The following DNHD1 variants were observed in gnomAD, a reference collection of about 807,000 sequenced individuals.
DNHD1 encodes the protein dynein heavy chain domain 1, also known as dynein heavy chain domain-containing protein 1.
In DNHD1, 383 loss-of-function variants were observed where a neutral mutation model predicts 458.1. That is an observed-to-expected ratio of 0.84 (90% CI 0.77 to 0.91). DNHD1 has a LOEUF of 0.91. Among genes scored for constraint, DNHD1 ranks in the 40% least tolerant of loss-of-function variants. DNHD1 has a pLI of 0.00. For synonymous variants in DNHD1, 2,203 were observed against 2,376.9 expected, an observed-to-expected ratio of 0.93 and a Z score of 2.13; for missense variants, 5,336 against 5,866.1, an observed-to-expected ratio of 0.91 and a Z score of 2.95.
In DNHD1 at chr11:6,528,757, G is replaced by C; in HGVS notation, c.2073G>C (p.Gln691His). ...EDLDNNPKIQ[Q>H]ALNIQQVLLE... ...TGGACAACAACCCTAAGATCCAGCA[G>C]GCACTGAATATACAACAGGTGCTGC... Residue 691 changes from glutamine to histidine, a missense_variant, in exon 11 of 43, where the codon CAG (glutamine) becomes CAC (histidine). Gln to His is a conservative substitution (Grantham distance 24). This residue lies in a region of DNHD1 where 3,932 missense variants were observed against 4,365.6 expected (regional missense o/e 0.90). Coordinates refer to ENST00000254579, the MANE Select transcript of DNHD1 (RefSeq NM_144666.3). 6.4e-7 allele frequency: 1 copy of C among 1,551,754 alleles called. No homozygotes were observed. The highest frequency in any genetic ancestry group is 8.7e-7 in the Non-Finnish European group (1 of 1,147,014).
At chr11:6,510,773 C>T (rs1025104734) in intron 6 of DNHD1, among the ~76,000 whole-genome samples, 7 of 152,092 alleles carry the variant, frequency 4.6e-5, no homozygotes, top group African/African-American at 1.7e-4. Flanking sequence ...GAGTCTTTAT[C>T]CTTTTCAAGG....
rs1325099633 is a variant in DNHD1, at chr11:6,570,987, T to C, written c.13475T>C (p.Leu4492Pro). ...EGVLETEALELSQLVGTLQRD... is the reference protein window; with the variant it reads ...EGVLETEALEPSQLVGTLQRD... ...GTCTTAGAGACCGAGGCTCTAGAAC[T>C]GAGCCAGTTGGTGGGCACGCTACAA... The change falls in exon 42 of 43, where the codon CTG becomes CCG. Residue 4492 changes from leucine to proline, a missense_variant. Physicochemically the swap from Leu to Pro is moderately conservative, Grantham distance 98. Around this residue, in one of 4 missense-constraint regions of DNHD1, gnomAD observed 698 missense variants for 664.9 expected, o/e 1.05. Transcript: ENST00000254579. 11 of 1,602,700 alleles carry C rather than the reference T, an allele frequency of 6.9e-6. No homozygotes were observed. Among genetic ancestry groups the C allele is most frequent in the Non-Finnish European group, 8.5e-6 (10 of 1,171,742 alleles).
chr11:6,520,050 T>C lies in DNHD1; in HGVS notation c.1733T>C (p.Met578Thr), dbSNP rs1412122832. ...TCTCATGTGCCCTGTGTTGAAAATA[T>C]GATCCAGACTCTAACTGGAGGCCTA... ...QLSHVPCVEN[M>T]IQTLTGGLQS... The change falls in exon 9 of 43, where the codon ATG (methionine) becomes ACG (threonine). Residue 578 changes from methionine (M) to threonine (T), a missense_variant. Around this residue, in one of 4 missense-constraint regions of DNHD1, gnomAD observed 3,932 missense variants for 4,365.6 expected, o/e 0.90. Transcript: ENST00000254579. The C allele has an allele frequency of 6.2e-7, 1 of 1,614,220 alleles. No individual in the cohort carries two copies. The highest frequency in any genetic ancestry group is 8.5e-7 in the Non-Finnish European group (1 of 1,180,034).
Position 6,548,506 on chromosome 11 carries a change from G to A in DNHD1, c.7098+104G>A. On this transcript the variant is annotated intron_variant, in intron 23 of 42. Transcript: ENST00000254579. The surrounding 1 kb of genome is among the most constrained non-coding windows in gnomAD (Gnocchi z 4.4). ...TGAGGCCCACTTGCTCCCTTTCTTT[G>A]ATATATTTTCACAATCACAAGAATA... The A allele has an allele frequency of 6.9e-7, 1 of 1,458,858 alleles. No homozygotes were observed. Among genetic ancestry groups the A allele is most frequent in the South Asian group, 1.3e-5 (1 of 77,200 alleles). The allele number at this position is 1,458,858 out of a possible 1,614,324, so 90.4% of individuals were successfully genotyped here.
chr11:6,520,264 C>G lies in DNHD1; in HGVS notation c.1812C>G (p.Thr604=), dbSNP rs1387581557. Residue 604 remains threonine (T), a synonymous_variant, in exon 10 of 43, where the codon ACC becomes ACG. Transcript: ENST00000254579. ...LQVVQSADLK[T]SSDSLYSEEE... ...TAGTGCAGTCTGCAGACCTGAAGAC[C>G]TCCTCGGATTCCCTGTATTCTGAAG... 6.4e-7 allele frequency: 1 copy of G among 1,552,436 alleles called. No homozygotes were observed. Among genetic ancestry groups the G allele is most frequent in the Non-Finnish European group, 8.7e-7 (1 of 1,147,264 alleles).
rs550297735 is a variant in DNHD1 at position 6,539,887 on chromosome 11, T to A, written c.3432T>A (p.Asn1144Lys). 128 of 1,551,686 alleles carry A rather than the reference T, an allele frequency of 8.2e-5. No individual in the cohort carries two copies. In the African/African-American group the frequency reaches 1.6e-3, roughly 19 times the overall value. Residue 1144 changes from asparagine to lysine, a missense_variant, in exon 18 of 43, where the codon AAT (asparagine) becomes AAA (lysine). Asn to Lys is a moderately conservative substitution (Grantham distance 94). Coordinates refer to ENST00000254579, the MANE Select transcript of DNHD1 (RefSeq NM_144666.3). ...CCCAGCTGTTCCAGGTCTGGCAGAA[T>A]GAAAATGAACGAATTCATGCCCAAG... ...FADRINQVWQ[N>K]ENERIHAQET...
rs1400128905 is a variant in DNHD1, at chr11:6,528,616, T to C, written c.1932T>C (p.Asn644=). 3 of 1,551,582 alleles carry C rather than the reference T, an allele frequency of 1.9e-6. No individual in the cohort carries two copies. The East Asian group carries it at 7.3e-5, about 38-fold the overall frequency. ...CTGTGAGCATCTTCTGTGGCCCGAATGTGGGATTGGTGTGGCCCTGGAAGT... is the reference window on the plus strand; with the variant it reads ...CTGTGAGCATCTTCTGTGGCCCGAACGTGGGATTGGTGTGGCCCTGGAAGT... ...SDAVSIFCGP[N]VGLVWPWKSH... Residue 644 remains asparagine (N), a synonymous_variant, in exon 11 of 43, where the codon AAT becomes AAC. Coordinates refer to ENST00000254579, the MANE Select transcript of DNHD1 (RefSeq NM_144666.3).
Position 6,539,664 on chromosome 11 carries a change from C to T in DNHD1, c.3421-212C>T, listed in dbSNP as rs540757214. On this transcript the variant is annotated intron_variant, in intron 17 of 42. Transcript: ENST00000254579. Reference sequence around the variant, plus strand: ...AGCCTTGCAAAAGTGGGTGGGGGTTCCAAAGCAGTGGCCCTGGGGCAAGGT... The same window carrying T: ...AGCCTTGCAAAAGTGGGTGGGGGTTTCAAAGCAGTGGCCCTGGGGCAAGGT... Among the ~76,000 whole-genome samples, 3 of 152,280 alleles carry T rather than the reference C, an allele frequency of 2.0e-5. No homozygotes were observed. The South Asian group carries it at 6.2e-4, about 32-fold the overall frequency.
In DNHD1 at chr11:6,497,283, T is replaced by G. The variant is rs1030461280; in HGVS notation, c.-577T>G. ...ATGCTCCTGGCAAAGACTCGGTCCT[T>G]CTGGAATCTTGTAACGGTTCTAACA... On this transcript the variant is annotated 5_prime_UTR_variant, in exon 1 of 43. Transcript: ENST00000254579. 10 of 152,754 alleles carry G rather than the reference T, an allele frequency of 6.5e-5. No individual in the cohort carries two copies. The highest frequency in any genetic ancestry group is 1.5e-5 in the Non-Finnish European group (1 of 68,542). 9.5% of individuals were successfully genotyped at this position (152,754 alleles called of 1,614,324 possible).
chr11:6,556,663 T>C lies in DNHD1; in HGVS notation c.7388-20T>C. ...TGTGGACTTTTACATGTCCTCATTA[T>C]TATTCCTCATGTCCCATAGACCCAG... On this transcript the variant is annotated intron_variant, in intron 24 of 42. Coordinates refer to ENST00000254579, the MANE Select transcript of DNHD1 (RefSeq NM_144666.3). 1.3e-6 allele frequency: 2 copies of C among 1,520,862 alleles called. No individual in the cohort carries two copies. The highest frequency in any genetic ancestry group is 1.8e-6 in the Non-Finnish European group (2 of 1,127,540). 94.2% of individuals were successfully genotyped at this position (1,520,862 alleles called of 1,614,324 possible).
chr11:6,566,482 C>A, intron 34 of DNHD1, 89 bp downstream of exon 34: 1 of 1,544,026 alleles, frequency 6.5e-7, no homozygotes, highest in Non-Finnish European at 8.8e-7. Flanking sequence ...CTCAACCTGG[C>A]CCAGAGCAGG....
chr11:6,528,436 T>TGTGTG, intron 10 of DNHD1, 86 bp from the exon 11 acceptor site: 1 of 1,160,182 alleles, frequency 8.6e-7, no homozygotes, highest in Non-Finnish European at 1.2e-6. Context: ...TGTGTGTGTG[T>TGTGTG]ACACACACTG....
chr11:6,505,419 A>G lies in DNHD1; in HGVS notation c.920+2493A>G, dbSNP rs921976528. 2.6e-5 allele frequency among the ~76,000 whole-genome samples: 4 copies of G among 151,188 alleles called. No homozygotes were observed. Among genetic ancestry groups the G allele is most frequent in the Admixed American group, 1.3e-4 (2 of 15,166 alleles). On this transcript the variant is annotated intron_variant, in intron 4 of 42. Coordinates refer to ENST00000254579, the MANE Select transcript of DNHD1 (RefSeq NM_144666.3). This position sits in a 1 kb window ranked among gnomAD's most constrained non-coding sequence, Gnocchi z 4.4. Reference sequence around the variant, plus strand: ...AGGCACTTGCTAATATGACTGGCTAATTTTTGTATTTTTATTAGAGACGGG... The same window carrying G: ...AGGCACTTGCTAATATGACTGGCTAGTTTTTGTATTTTTATTAGAGACGGG...
chr11:6,564,319 C>T lies in DNHD1; in HGVS notation c.10285-14C>T. On this transcript the variant is annotated splice_polypyrimidine_tract_variant and intron_variant, in intron 31 of 42. Coordinates refer to ENST00000254579, the MANE Select transcript of DNHD1 (RefSeq NM_144666.3). ...ACTGGCCTACACAGCCTCTGGTCTT[C>T]CCTTCCACTCCAGAAGCTGAAGGGA... The T allele has an allele frequency of 6.6e-7, 1 of 1,520,974 alleles. No individual in the cohort carries two copies. The highest frequency in any genetic ancestry group is 8.9e-7 in the Non-Finnish European group (1 of 1,128,756). 94.2% of individuals were successfully genotyped at this position (1,520,974 alleles called of 1,614,324 possible). A position where few individuals can be genotyped will look rare whatever the true frequency, so the allele number is the denominator to read the frequency against.
Position 6,546,184 on chromosome 11 carries a change from C to A in DNHD1, c.5245C>A (p.Leu1749Ile). The change falls in exon 21 of 43, where the codon CTC becomes ATC. Residue 1749 changes from leucine to isoleucine, a missense_variant. Leu to Ile is a conservative substitution (Grantham distance 5). This residue lies in a region of DNHD1 where 3,932 missense variants were observed against 4,365.6 expected (regional missense o/e 0.90). Transcript: ENST00000254579. ...AGTTCATCAGCTGCCCCCTGGCTTG[C>A]TCTCTGCCCTGGGCCAGCGCCTGGG... is the stretch of plus-strand genomic sequence containing the variant. ...EKVHQLPPGL[L>I]SALGQRLGEL... 1 of 1,551,046 alleles carries A rather than the reference C, an allele frequency of 6.4e-7. No homozygotes were observed. The highest frequency in any genetic ancestry group is 8.7e-7 in the Non-Finnish European group (1 of 1,146,468).
In DNHD1 at chr11:6,547,247, G is replaced by A. The variant is rs1470131915; in HGVS notation, c.6308G>A (p.Ser2103Asn). ...AWLDSITCLL[S>N]ELPQLSLPSG... Reference sequence around the variant, plus strand: ...CTGGACTCCATCACTTGCCTCCTGAGTGAGCTTCCCCAGCTTAGTCTCCCC... The same window carrying A: ...CTGGACTCCATCACTTGCCTCCTGAATGAGCTTCCCCAGCTTAGTCTCCCC... Residue 2103 changes from serine to asparagine, a missense_variant, in exon 21 of 43, where the codon AGT becomes AAT. Ser to Asn is a conservative substitution (Grantham distance 46). Transcript: ENST00000254579. The A allele has an allele frequency of 3.2e-6, 5 of 1,551,684 alleles. No homozygotes were observed. Among genetic ancestry groups the A allele is most frequent in the Non-Finnish European group, 3.5e-6 (4 of 1,146,990 alleles).
At position 6,498,079 on chromosome 11, in the gene DNHD1, C is replaced by T; in HGVS notation, c.-137C>T. The T allele has an allele frequency of 8.1e-7, 1 of 1,233,482 alleles. No individual in the cohort carries two copies. Among genetic ancestry groups the T allele is most frequent in the Non-Finnish European group, 1.1e-6 (1 of 877,932 alleles). The allele number at this position is 1,233,482 out of a possible 1,614,324, so 76.4% of individuals were successfully genotyped here. ...GACTCTGACCATCCCCTGCCCAGAGCCTGAGGTCCCTTCTCTGGCCCCTCT... is the reference window on the plus strand; with the variant it reads ...GACTCTGACCATCCCCTGCCCAGAGTCTGAGGTCCCTTCTCTGGCCCCTCT... On this transcript the variant is annotated 5_prime_UTR_variant, in exon 3 of 43. Transcript: ENST00000254579.
intron 24 of DNHD1, 127 bp downstream of exon 24, chr11:6,549,060 T>C: frequency 9.6e-7 from 1 of 1,043,186 alleles, no homozygotes; most frequent in Non-Finnish European, 1.4e-6. Context: ...GTTCTTAATA[T>C]CTTCTCATTC....
chr11:6,538,825 T>A lies in DNHD1; in HGVS notation c.3325+15T>A. 2 of 1,482,716 alleles carry A rather than the reference T, an allele frequency of 1.3e-6. No individual in the cohort carries two copies. The highest frequency in any genetic ancestry group is 2.7e-5 in the South Asian group (2 of 73,368). The allele number at this position is 1,482,716 out of a possible 1,614,324, so 91.8% of individuals were successfully genotyped here. On this transcript the variant is annotated intron_variant, in intron 16 of 42. Coordinates refer to ENST00000254579, the MANE Select transcript of DNHD1 (RefSeq NM_144666.3). The stretch of plus-strand genomic sequence containing the variant: ...TCTCCTGCGTGGTATGTTTGGTTAA[T>A]GTCAGAGGAGGGGGAAAGGGAAATA...
Sources: gnomAD v4.1 joint callset for allele counts (sites outside exome capture counted in the v4.1 genomes callset) on GRCh38, gnomAD v4.1.1 for gene constraint, gnomAD v4.1.1 regional missense constraint, Gnocchi (gnomAD v3.1) non-coding constraint, MANE v1.5 for transcripts, NCBI Gene and HGNC (gene_info 2026-07-23, HGNC 2026-07-21) for gene names.